Variants in IPCEF1 observed in about 807,000 individuals in gnomAD.
The protein encoded by IPCEF1 is interactor protein for cytohesin exchange factors 1.
Under a neutral mutation model 50.9 loss-of-function variants are expected in IPCEF1, and 31 were observed. The ratio of observed to expected loss-of-function variants is 0.61; its 90% confidence interval spans 0.46 to 0.82. The LOEUF is 0.82. IPCEF1 is among the 40% of genes least tolerant of loss of function. The pLI, the probability that IPCEF1 is intolerant of heterozygous loss-of-function variation, is 0.00. For missense variants in IPCEF1, 458 were observed against 514.0 expected, an observed-to-expected ratio of 0.89 and a Z score of 1.05; for synonymous variants, 181 against 192.0, an observed-to-expected ratio of 0.94 and a Z score of 0.47.
intron 3 of IPCEF1, among the ~76,000 whole-genome samples, chr6:154,262,839 C>T (rs184025162): frequency 5.1e-4 from 67 of 130,542 alleles, no homozygotes; most frequent in East Asian, 2.8e-3. Flanking sequence ...TGCAGTGATG[C>T]AATCTCAGCT....
chr6:154,260,993 C>T (rs892690647), intron 3 of IPCEF1, among the ~76,000 whole-genome samples: 5 of 152,062 alleles, frequency 3.3e-5, no homozygotes, highest in African/African-American at 7.2e-5. Context: ...AATCTAGTAA[C>T]TATATTGAAG....
intron 1 of IPCEF1, among the ~76,000 whole-genome samples, chr6:154,300,893 C>T (rs1411239309): frequency 6.6e-6 from 1 of 152,086 alleles, no homozygotes; most frequent in Non-Finnish European, 1.5e-5. Flanking sequence ...GAGAAGTTGC[C>T]CTGTTACTTG....
intron 5 of IPCEF1, among the ~76,000 whole-genome samples, chr6:154,241,751 C>T (rs1407750540): frequency 6.6e-6 from 1 of 152,148 alleles, no homozygotes; most frequent in Admixed American, 6.5e-5. Context: ...CAATCTATTG[C>T]TGCTAGGTTC....
At chr6:154,352,092 A>G (rs896744084) in intron 1 of IPCEF1, among the ~76,000 whole-genome samples, 1 of 152,184 alleles carries the variant, frequency 6.6e-6, no homozygotes, top group East Asian at 1.9e-4. Context: ...ACATTTACCT[A>G]TGTAACAAAC....
chr6:154,199,915 G>GGATTGTC lies in IPCEF1; in HGVS notation c.656_662dup (p.Leu222ThrfsTer5). On this transcript the variant is annotated frameshift_variant, in exon 10 of 12. Coordinates refer to ENST00000367220, the MANE Select transcript of IPCEF1 (RefSeq NM_001130700.2). LOFTEE classifies it high-confidence loss of function. ...ACAAACTGTTAACTGTGTCAGGCAA[G>GGATTGTC]GATTGTCTCTCTTTAGATAAGGAGG... 6.2e-7 allele frequency: 1 copy of GGATTGTC among 1,614,170 alleles called. No homozygotes were observed. Among genetic ancestry groups the GGATTGTC allele is most frequent in the Non-Finnish European group, 8.5e-7 (1 of 1,180,038 alleles).
intron 1 of IPCEF1, among the ~76,000 whole-genome samples, chr6:154,316,260 G>A (rs1187718370): frequency 6.6e-6 from 1 of 152,030 alleles, no homozygotes; most frequent in African/African-American, 2.4e-5. Flanking sequence ...TTTTTTAGAT[G>A]TATGCTATTG....
chr6:154,296,530 G>A (rs889513458), intron 1 of IPCEF1, among the ~76,000 whole-genome samples: 15 of 152,064 alleles, frequency 9.9e-5, no homozygotes, highest in Admixed American at 9.8e-4. Flanking sequence ...CACCTAAAAT[G>A]TTGTTAAAAT....
chr6:154,298,070 G>A (rs1782707615), intron 1 of IPCEF1, among the ~76,000 whole-genome samples: 1 of 152,174 alleles, frequency 6.6e-6, no homozygotes, highest in South Asian at 2.1e-4. Context: ...TAAGAACAAG[G>A]TCAGGAACAC....
intron 5 of IPCEF1, among the ~76,000 whole-genome samples, chr6:154,231,972 C>T (rs1214338667): frequency 2.6e-5 from 4 of 152,212 alleles, no homozygotes; most frequent in South Asian, 2.1e-4. Flanking sequence ...TTTGACTATA[C>T]GTATTTCATG....
chr6:154,323,968 A>G (rs570705106), intron 1 of IPCEF1, among the ~76,000 whole-genome samples: 2 of 152,216 alleles, frequency 1.3e-5, no homozygotes, highest in Non-Finnish European at 2.9e-5. Context: ...ATACATATAT[A>G]CACAGAGGGA....
At chr6:154,171,323 G>A (rs1020266648) in intron 10 of IPCEF1, among the ~76,000 whole-genome samples, 1 of 152,006 alleles carries the variant, frequency 6.6e-6, no homozygotes, top group Non-Finnish European at 1.5e-5. Context: ...CTTCAACATG[G>A]GTGAACCTTG....
At chr6:154,242,743 G>A (rs1000360897) in intron 5 of IPCEF1, among the ~76,000 whole-genome samples, 9 of 151,952 alleles carry the variant, frequency 5.9e-5, no homozygotes, top group Admixed American at 2.0e-4. Flanking sequence ...AAAAATTAGC[G>A]GGGCATGGTG....
intron 5 of IPCEF1, among the ~76,000 whole-genome samples, chr6:154,243,698 A>T (rs995977384): frequency 6.6e-6 from 1 of 152,200 alleles, no homozygotes; most frequent in Non-Finnish European, 1.5e-5. Flanking sequence ...TGTGTCATGT[A>T]TCCTGGCCCG....
chr6:154,264,520 G>A (rs1464291652), intron 3 of IPCEF1, among the ~76,000 whole-genome samples: 15 of 151,820 alleles, frequency 9.9e-5, no homozygotes, highest in African/African-American at 3.4e-4. Flanking sequence ...CTACAGGTGC[G>A]CACCACCATG....
chr6:154,230,983 T>C, intron 5 of IPCEF1, among the ~76,000 whole-genome samples: 1 of 152,202 alleles, frequency 6.6e-6, no homozygotes, highest in Admixed American at 6.5e-5. Context: ...GGTTACCCAA[T>C]GACTATCTGA....
At chr6:154,293,410 C>T (rs1172310834) in intron 1 of IPCEF1, among the ~76,000 whole-genome samples, 1 of 152,184 alleles carries the variant, frequency 6.6e-6, no homozygotes, top group Non-Finnish European at 1.5e-5. Context: ...TGCAATTGTC[C>T]ACTGACAAAA....
intron 5 of IPCEF1, among the ~76,000 whole-genome samples, chr6:154,228,134 T>G (rs1050162551): frequency 6.6e-6 from 1 of 152,062 alleles, no homozygotes; most frequent in Non-Finnish European, 1.5e-5. Flanking sequence ...CTTTGTTGAA[T>G]GGGATCCTTC....
intron 5 of IPCEF1, 81 bp from the exon 6 acceptor site, chr6:154,223,324 G>GTATAT (rs1459786418): frequency 9.3e-7 from 1 of 1,073,216 alleles, no homozygotes; most frequent in African/African-American, 1.6e-5. Context: ...ACATGGAATA[G>GTATAT]GGATGGTATA....
intron 5 of IPCEF1, among the ~76,000 whole-genome samples, chr6:154,245,478 C>T (rs374452619): frequency 2.6e-4 from 39 of 152,058 alleles, no homozygotes; most frequent in African/African-American, 8.0e-4. Flanking sequence ...ATGTGAGCAA[C>T]GAAAATTGAT....
Sources: gnomAD v4.1 joint callset for allele counts (sites outside exome capture counted in the v4.1 genomes callset) on GRCh38, gnomAD v4.1.1 for gene constraint, MANE v1.5 for transcripts, NCBI Gene and HGNC (gene_info 2026-07-23, HGNC 2026-07-21) for gene names.